The following EFR3A variants were observed in gnomAD, a reference collection of about 807,000 sequenced individuals.
EFR3A encodes the protein protein EFR3 homolog A.
EFR3A carries 76 observed loss-of-function variants against 104.4 expected under a neutral mutation model. The observed-to-expected ratio is 0.73, with a 90% CI of 0.60 to 0.88. The LOEUF (loss-of-function observed/expected upper bound fraction) is 0.88, where lower values mean the gene tolerates loss of function less well. Among genes scored for constraint, EFR3A ranks in the 40% least tolerant of loss-of-function variants. EFR3A has a pLI of 0.00. For missense variants in EFR3A, 985 were observed against 1,012.5 expected (o/e 0.97, Z 0.37); for synonymous variants, 330 against 330.0 (o/e 1.00, Z 0.00).
intron 1 of EFR3A, 94 bp from the exon 2 acceptor site, chr8:131,940,405 T>G (rs1818104763): frequency 8.4e-7 from 1 of 1,183,464 alleles, no homozygotes; most frequent in Non-Finnish European, 1.2e-6. Context: ...ACTTTGTATT[T>G]TATATAGCCC....
intron 22 of EFR3A, among the ~76,000 whole-genome samples, chr8:132,007,672 A>C (rs1010404263): frequency 3.9e-5 from 6 of 151,950 alleles, no homozygotes; most frequent in Admixed American, 3.3e-4. Context: ...AGTTTTGAAA[A>C]GGAAAAATAA....
chr8:131,939,287 G>A (rs1171243646), intron 1 of EFR3A, among the ~76,000 whole-genome samples: 1 of 152,040 alleles, frequency 6.6e-6, no homozygotes, highest in Non-Finnish European at 1.5e-5. Context: ...CTGGACGGAG[G>A]GAGACTGATT....
chr8:131,978,388 C>T (rs1292098786), intron 12 of EFR3A, among the ~76,000 whole-genome samples: 1 of 152,014 alleles, frequency 6.6e-6, no homozygotes, highest in African/African-American at 2.4e-5. Context: ...AAAATGTATT[C>T]CTATTAACCA....
Position 132,011,223 on chromosome 8 carries a change from C to G in EFR3A, c.*328C>G. 2 of 1,011,632 alleles carry G rather than the reference C, an allele frequency of 2.0e-6. 1 individual carries two copies. Among genetic ancestry groups the G allele is most frequent in the South Asian group, 8.8e-5 (2 of 22,742 alleles). The allele number at this position is 1,011,632 out of a possible 1,614,324, so 62.7% of individuals were successfully genotyped here. On this transcript the variant is annotated 3_prime_UTR_variant, in exon 23 of 23. Coordinates refer to ENST00000254624, the MANE Select transcript of EFR3A (RefSeq NM_015137.6). The stretch of plus-strand genomic sequence containing the variant: ...ATGTAATGTTTTTTAAAAAGTAAGC[C>G]TTCAGAGGATTGAAACTGTATAAAT...
chr8:132,005,379 G>A (rs182943293), intron 22 of EFR3A, among the ~76,000 whole-genome samples: 43 of 151,466 alleles, frequency 2.8e-4, no homozygotes, highest in Admixed American at 2.4e-3. Flanking sequence ...ATTATACTTC[G>A]CTCCCACTGT....
At chr8:131,998,363 A>G (rs1281418427) in intron 19 of EFR3A, among the ~76,000 whole-genome samples, 1 of 152,068 alleles carries the variant, frequency 6.6e-6, no homozygotes, top group East Asian at 1.9e-4. Flanking sequence ...AAAATTATTT[A>G]TAGTTTTATA....
intron 1 of EFR3A, among the ~76,000 whole-genome samples, chr8:131,928,079 T>G (rs1371305483): frequency 6.6e-6 from 1 of 152,208 alleles, no homozygotes; most frequent in Non-Finnish European, 1.5e-5. Flanking sequence ...GTTTGGGAAC[T>G]TCTTGAAGAC....
chr8:131,965,508 G>A (rs1183509231), intron 8 of EFR3A, among the ~76,000 whole-genome samples: 1 of 152,200 alleles, frequency 6.6e-6, no homozygotes, highest in Non-Finnish European at 1.5e-5. Flanking sequence ...AAACCACAAT[G>A]AGATACCATC....
chr8:131,946,634 G>T lies in EFR3A; in HGVS notation c.366+1G>T. On this transcript the variant is annotated splice_donor_variant, in intron 4 of 22. Transcript: ENST00000254624. LOFTEE classifies it high-confidence loss of function. ...GCTTCAAGTTCTTGGAACAAATTCT[G>T]TGAGTAAAACTATTCTGTTACTAAA... 1 of 1,590,284 alleles carries T rather than the reference G, an allele frequency of 6.3e-7. No homozygotes were observed. Among genetic ancestry groups the T allele is most frequent in the Non-Finnish European group, 8.6e-7 (1 of 1,168,962 alleles).
At chr8:131,979,133 AATTTT>A (rs1173383414) in intron 13 of EFR3A, 114 bp downstream of exon 13, 6 of 1,162,154 alleles carry the variant, frequency 5.2e-6, no homozygotes, top group East Asian at 2.5e-5. Context: ...ATTAATCCAT[AATTTT>A]ATTTAATTGG....
chr8:132,010,672 A>T, intron 22 of EFR3A, 118 bp from the exon 23 acceptor site: 1 of 1,243,660 alleles, frequency 8.0e-7, no homozygotes, highest in Non-Finnish European at 1.1e-6. Flanking sequence ...CTACAATGGC[A>T]TTGATCACTG....
intron 1 of EFR3A, among the ~76,000 whole-genome samples, chr8:131,905,224 T>C (rs965126135): frequency 1.3e-5 from 2 of 152,186 alleles, no homozygotes; most frequent in Non-Finnish European, 2.9e-5. Flanking sequence ...TTTGACTAAG[T>C]GTTCAATACT....
intron 8 of EFR3A, among the ~76,000 whole-genome samples, chr8:131,966,058 T>C (rs1043562444): frequency 6.6e-6 from 1 of 151,886 alleles, no homozygotes; most frequent in African/African-American, 2.4e-5. Context: ...CTGGGGCCTG[T>C]TGTGGGGTGG....
intron 19 of EFR3A, among the ~76,000 whole-genome samples, chr8:132,000,113 C>T (rs1018422514): frequency 3.9e-5 from 6 of 152,126 alleles, no homozygotes; most frequent in Admixed American, 1.3e-4. Context: ...ACACTGATGG[C>T]ATGACTTAGG....
intron 5 of EFR3A, among the ~76,000 whole-genome samples, chr8:131,950,407 T>C (rs1216808377): frequency 6.6e-6 from 1 of 152,106 alleles, no homozygotes; most frequent in African/African-American, 2.4e-5. Context: ...TTGAATACTT[T>C]AGTCACACCT....
rs143436861 is a variant in EFR3A, at chr8:131,969,834, G to A, written c.992-642G>A. The stretch of plus-strand genomic sequence containing the variant: ...AGGTACTCTGTGCTAGGCTCTATAC[G>A]TTTGAAGAGGCATTTAAACACGGCT... On this transcript the variant is annotated intron_variant, in intron 9 of 22. Coordinates refer to ENST00000254624, the MANE Select transcript of EFR3A (RefSeq NM_015137.6). Among the ~76,000 whole-genome samples, 97 of 152,230 alleles carry A rather than the reference G, an allele frequency of 6.4e-4. 1 individual carries two copies. The East Asian group carries it at 0.017, about 26-fold the overall frequency.
chr8:131,972,099 A>G (rs959199267), intron 10 of EFR3A, among the ~76,000 whole-genome samples: 1 of 152,036 alleles, frequency 6.6e-6, no homozygotes, highest in African/African-American at 2.4e-5. Context: ...CTTTCTATGT[A>G]TGTAGGAATG....
At chr8:131,957,744 A>G (rs1819086809) in intron 7 of EFR3A, among the ~76,000 whole-genome samples, 1 of 152,194 alleles carries the variant, frequency 6.6e-6, no homozygotes, top group African/African-American at 2.4e-5. Context: ...TTTGACATTG[A>G]AGTAGGTTTT....
At chr8:131,982,570 GTTA>G (rs1015455248) in intron 14 of EFR3A, among the ~76,000 whole-genome samples, 1 of 151,964 alleles carries the variant, frequency 6.6e-6, no homozygotes, top group African/African-American at 2.4e-5. Flanking sequence ...AATTTGTAAA[GTTA>G]TTATACCTAT....
Sources: allele counts gnomAD v4.1 joint callset (sites outside exome capture counted in the v4.1 genomes callset), GRCh38; gene constraint gnomAD v4.1.1; transcripts MANE v1.5; gene names NCBI Gene and HGNC (gene_info 2026-07-23, HGNC 2026-07-21).